NEDD9: variants seen among roughly 807,000 people sequenced by gnomAD.
NEDD9 encodes enhancer of filamentation 1.
In NEDD9, 26 loss-of-function variants were observed where a neutral mutation model predicts 76.6. The observed-to-expected ratio is 0.34, with a 90% CI of 0.25 to 0.47. NEDD9 has a LOEUF of 0.47. NEDD9 is among the 20% of genes least tolerant of loss of function. The pLI, the probability that NEDD9 is intolerant of heterozygous loss-of-function variation, is 1.00. For synonymous variants in NEDD9, 392 were observed against 414.2 expected (o/e 0.95, Z 0.65); for missense variants, 937 against 1,058.5 (o/e 0.89, Z 1.59).
intron 1 of NEDD9, among the ~76,000 whole-genome samples, chr6:11,232,031 C>A (rs1759483025): frequency 6.6e-6 from 1 of 152,316 alleles, no homozygotes; most frequent in East Asian, 1.9e-4. Context: ...ATGGCATACT[C>A]CTTCCGAGAC....
At position 11,214,710 on chromosome 6, in the gene NEDD9, G is replaced by A. The variant is rs376727828; in HGVS notation, c.13-983C>T. Among the ~76,000 whole-genome samples the A allele has an allele frequency of 2.8e-4, 43 of 152,266 alleles. No homozygotes were observed. The East Asian group carries it at 4.8e-3, about 17-fold the overall frequency. On this transcript the variant is annotated intron_variant, in intron 1 of 6. Transcript: ENST00000379446. ...GCATTAGTAAAGTTTCCCAGCACGC[G>A]GGCAGCCATTCCCGCATGTCTGCCC...
chr6:11,275,565 C>CACACACACACACACACATATATAT (rs551632582), intron 3 of NEDD9, among the ~76,000 whole-genome samples: 7 of 150,288 alleles, frequency 4.7e-5, no homozygotes, highest in African/African-American at 1.7e-4. Flanking sequence ...CACACACACA[C>CACACACACACACACACATATATAT]ATATATATAT....
chr6:11,300,820 T>C (rs953831864), intron 3 of NEDD9, among the ~76,000 whole-genome samples: 2 of 152,154 alleles, frequency 1.3e-5, no homozygotes, highest in Non-Finnish European at 2.9e-5. Context: ...TGCTGAGAGA[T>C]TTTGTCACTA....
At chr6:11,232,420 C>T (rs772968446) in intron 1 of NEDD9, 84 bp downstream of exon 1, 10 of 1,530,004 alleles carry the variant, frequency 6.5e-6, no homozygotes, top group Middle Eastern at 1.7e-4. Flanking sequence ...AAGGGACTGA[C>T]AGTAAGGAAC....
rs184510759 is a variant in NEDD9 at position 11,277,634 on chromosome 6, C to T, written c.12+28358G>A. ...CTCAGCCCTGAGATTCTCAAGGAGG[C>T]TAGGACATCTTAAAAAATTGGACTT... On this transcript the variant is annotated intron_variant, in intron 3 of 3. Transcript: ENST00000397378. 3.3e-5 allele frequency among the ~76,000 whole-genome samples: 5 copies of T among 152,266 alleles called. No individual in the cohort carries two copies. The East Asian group carries it at 9.7e-4, about 29-fold the overall frequency.
At chr6:11,214,339 G>C in intron 1 of NEDD9, 1 of 391,632 alleles carries the variant, frequency 2.6e-6, no homozygotes, top group East Asian at 6.8e-5. Flanking sequence ...ATCAAGCGTG[G>C]AGCATAGGCC....
chr6:11,325,354 C>CAAAAAAA (rs34414648), intron 2 of NEDD9, among the ~76,000 whole-genome samples: 2 of 92,650 alleles, frequency 2.2e-5, no homozygotes, highest in South Asian at 6.4e-4. Context: ...GACTCTGTCT[C>CAAAAAAA]AAAAAAAAAA....
At position 11,305,100 on chromosome 6, in the gene NEDD9, T is replaced by G. The variant is rs751617315; in HGVS notation, c.12+892A>C. On this transcript the variant is annotated intron_variant, in intron 3 of 3. Coordinates refer to the NEDD9 transcript ENST00000397378. ...TTTGCCCAGAAAGGAGATTGGGCTG[T>G]TCTTGGCTTGATACGGTGCCCAGAG... The G allele has an allele frequency of 3.1e-6, 4 of 1,289,192 alleles. No homozygotes were observed. The South Asian group carries it at 4.9e-5, about 16-fold the overall frequency. 79.9% of individuals were successfully genotyped at this position (1,289,192 alleles called of 1,614,324 possible). A position where few individuals can be genotyped will look rare whatever the true frequency, so the allele number is the denominator to read the frequency against.
intron 3 of NEDD9, among the ~76,000 whole-genome samples, chr6:11,299,923 A>T (rs1391055103): frequency 6.6e-6 from 1 of 152,238 alleles, no homozygotes; most frequent in Non-Finnish European, 1.5e-5. Flanking sequence ...AGAAAAGCTG[A>T]AAATTCCAAA....
intron 3 of NEDD9, among the ~76,000 whole-genome samples, chr6:11,242,866 C>A (rs1759734833): frequency 6.6e-6 from 1 of 152,156 alleles, no homozygotes; most frequent in Non-Finnish European, 1.5e-5. Flanking sequence ...CCACATATTA[C>A]AAGACACTCC....
At chr6:11,274,562 G>A (rs1039388236) in intron 3 of NEDD9, among the ~76,000 whole-genome samples, 1 of 152,184 alleles carries the variant, frequency 6.6e-6, no homozygotes, top group Non-Finnish European at 1.5e-5. Context: ...TTCTGGGCCT[G>A]CTGGGCACAG....
At position 11,298,571 on chromosome 6, in the gene NEDD9, A is replaced by T. The variant is rs529281825; in HGVS notation, c.12+7421T>A. 2.6e-5 allele frequency among the ~76,000 whole-genome samples: 4 copies of T among 152,340 alleles called. No homozygotes were observed. In the East Asian group the frequency reaches 7.7e-4, roughly 29 times the overall value. On this transcript the variant is annotated intron_variant, in intron 3 of 3. Transcript: ENST00000397378. ...ACTGACTTGCTTCAGGGAATGTTTTATCTCCCTGTATCTCTCTGTTTTTGT... is the reference window on the plus strand; with the variant it reads ...ACTGACTTGCTTCAGGGAATGTTTTTTCTCCCTGTATCTCTCTGTTTTTGT...
chr6:11,218,729 T>G (rs1212581088), intron 1 of NEDD9, among the ~76,000 whole-genome samples: 1 of 152,176 alleles, frequency 6.6e-6, no homozygotes, highest in Non-Finnish European at 1.5e-5. Context: ...GTTAGAATTT[T>G]CAGATGGAAG....
intron 2 of NEDD9, among the ~76,000 whole-genome samples, chr6:11,331,642 C>A (rs1209636344): frequency 2.0e-5 from 3 of 152,084 alleles, no homozygotes. Context: ...AGGAGGTGCT[C>A]CATCTCCTTC....
At chr6:11,306,791 T>C (rs1293603930) in intron 2 of NEDD9, among the ~76,000 whole-genome samples, 1 of 152,190 alleles carries the variant, frequency 6.6e-6, no homozygotes, top group Admixed American at 6.5e-5. Context: ...AAAACTAGTG[T>C]TTTGGAAATG....
At chr6:11,264,729 A>T (rs1225885484) in intron 3 of NEDD9, among the ~76,000 whole-genome samples, 1 of 152,240 alleles carries the variant, frequency 6.6e-6, no homozygotes, top group Admixed American at 6.5e-5. Context: ...AACTAATCAT[A>T]CTGGTAAGAG....
At chr6:11,219,501 A>G (rs903281059) in intron 1 of NEDD9, among the ~76,000 whole-genome samples, 4 of 152,200 alleles carry the variant, frequency 2.6e-5, no homozygotes, top group African/African-American at 9.7e-5. Flanking sequence ...CCTGTACCCA[A>G]TCCCCCAAAA....
intron 1 of NEDD9, among the ~76,000 whole-genome samples, chr6:11,363,917 A>T (rs1762719980): frequency 6.6e-6 from 1 of 152,164 alleles, no homozygotes; most frequent in African/African-American, 2.4e-5. Context: ...GTAATCTCAC[A>T]ACAATCAAAA....
At chr6:11,197,204 C>A (rs186902430) in intron 2 of NEDD9, among the ~76,000 whole-genome samples, 1 of 151,526 alleles carries the variant, frequency 6.6e-6, no homozygotes, top group East Asian at 1.9e-4. Flanking sequence ...AACTAATTTT[C>A]TCAATGAAAT....
Sources: allele counts gnomAD v4.1 joint callset (sites outside exome capture counted in the v4.1 genomes callset), GRCh38; gene constraint gnomAD v4.1.1; transcripts MANE v1.5; gene names NCBI Gene and HGNC (gene_info 2026-07-23, HGNC 2026-07-21).